Variants in FRMD4A observed in about 807,000 individuals in gnomAD.
The protein encoded by FRMD4A is FERM domain-containing protein 4A.
A neutral mutation model predicts 129.1 loss-of-function variants in FRMD4A; 29 were observed. The observed-to-expected ratio is 0.22, with a 90% CI of 0.17 to 0.31. FRMD4A has a LOEUF of 0.31. FRMD4A is among the 10% of genes least tolerant of loss of function. The pLI is 1.00. For synonymous variants in FRMD4A, 634 were observed against 571.6 expected (o/e 1.11, Z -1.56); for missense variants, 1,272 against 1,375.8 (o/e 0.92, Z 1.19).
chr10:13,698,203 ATGGC>A, intron 14 of FRMD4A, among the ~76,000 whole-genome samples: 1 of 152,290 alleles, frequency 6.6e-6, no homozygotes, highest in East Asian at 1.9e-4. Context: ...CTGAACCCTC[ATGGC>A]TCCCTACCCT....
chr10:13,698,523 G>T (rs910013402), intron 14 of FRMD4A, among the ~76,000 whole-genome samples: 2 of 152,104 alleles, frequency 1.3e-5, no homozygotes, highest in South Asian at 4.2e-4. Flanking sequence ...ATTCCCAAAG[G>T]GTACGTCATC....
chr10:13,959,017 T>A (rs1565114931), intron 2 of FRMD4A, among the ~76,000 whole-genome samples: 1 of 152,236 alleles, frequency 6.6e-6, no homozygotes, highest in Non-Finnish European at 1.5e-5. Flanking sequence ...CCCAGCACTC[T>A]GAGTATTTTA....
rs754842619 is a variant in FRMD4A at position 13,762,669 on chromosome 10, G to A, written c.396C>T (p.Asp132=). 5.0e-6 allele frequency: 8 copies of A among 1,605,730 alleles called. No homozygotes were observed. The East Asian group carries it at 6.7e-5, about 13-fold the overall frequency. The change falls in exon 7 of 25, where the codon GAC becomes GAT. Residue 132 remains aspartate (D), a synonymous_variant. Coordinates refer to ENST00000357447, the MANE Select transcript of FRMD4A (RefSeq NM_018027.5). ...ATTCAAACACCACTTCGCTGTCAAC[G>A]TCAATAAGCTCCTGAAAGGAAAAAG... ...AKSCIYKELI[D]VDSEVVFELA... is the part of the protein sequence containing the mutation.
At chr10:13,749,180 G>T (rs1244524895) in intron 8 of FRMD4A, among the ~76,000 whole-genome samples, 1 of 152,182 alleles carries the variant, frequency 6.6e-6, no homozygotes, top group African/African-American at 2.4e-5. Context: ...AGCCTTGGAA[G>T]CCTTAGCCGG....
intron 2 of FRMD4A, among the ~76,000 whole-genome samples, chr10:14,008,784 T>A (rs1214319958): frequency 6.6e-6 from 1 of 152,172 alleles, no homozygotes; most frequent in Non-Finnish European, 1.5e-5. Flanking sequence ...TCATAAATTC[T>A]ATCTATAAAA....
chr10:13,736,548 A>G (rs1487762071), intron 12 of FRMD4A, among the ~76,000 whole-genome samples: 2 of 152,238 alleles, frequency 1.3e-5, no homozygotes, highest in African/African-American at 2.4e-5. Context: ...TCAATGGAGT[A>G]AAAATCCTCC....
At chr10:14,234,841 C>T (rs1350025573) in intron 2 of FRMD4A, among the ~76,000 whole-genome samples, 1 of 152,262 alleles carries the variant, frequency 6.6e-6, no homozygotes, top group Non-Finnish European at 1.5e-5. Flanking sequence ...CCTCTACTAA[C>T]AGCCCCTGTG....
chr10:13,826,315 A>G (rs527702786), intron 3 of FRMD4A, among the ~76,000 whole-genome samples: 1 of 152,292 alleles, frequency 6.6e-6, no homozygotes, highest in South Asian at 2.1e-4. Context: ...AATCATCACT[A>G]CACGGTGAGG....
intron 3 of FRMD4A, among the ~76,000 whole-genome samples, chr10:13,849,419 C>T (rs1325023223): frequency 6.6e-6 from 1 of 152,050 alleles, no homozygotes; most frequent in Non-Finnish European, 1.5e-5. Context: ...TCCATATTCT[C>T]TGCTTGGCAA....
chr10:13,963,519 G>A (rs1347700070), intron 2 of FRMD4A, among the ~76,000 whole-genome samples: 2 of 152,098 alleles, frequency 1.3e-5, no homozygotes, highest in Non-Finnish European at 2.9e-5. Flanking sequence ...TGTATGAGCT[G>A]TTTGTGAAGA....
At chr10:14,031,124 C>T (rs1275725321) in intron 2 of FRMD4A, among the ~76,000 whole-genome samples, 1 of 152,190 alleles carries the variant, frequency 6.6e-6, no homozygotes, top group Non-Finnish European at 1.5e-5. Flanking sequence ...CCGAGGTCGC[C>T]ACCAGAAGTG....
intron 2 of FRMD4A, among the ~76,000 whole-genome samples, chr10:14,263,752 G>A (rs1005375947): frequency 6.6e-5 from 10 of 152,158 alleles, no homozygotes; most frequent in African/African-American, 1.2e-4. Context: ...CCCTGGAGTC[G>A]CCAGAAGATA....
At position 14,301,048 on chromosome 10, in the gene FRMD4A, T is replaced by C. The variant is rs140046909; in HGVS notation, c.45+29010A>G. ...GGTCAGTCAGGTGAGAAGTCTCACA[T>C]CCTGCTCAGTGTGACCAAGTCCCCT... On this transcript the variant is annotated intron_variant, in intron 2 of 24. Coordinates refer to ENST00000357447, the MANE Select transcript of FRMD4A (RefSeq NM_018027.5). Among the ~76,000 whole-genome samples, 136 of 152,308 alleles carry C rather than the reference T, an allele frequency of 8.9e-4. 1 individual carries two copies. Among genetic ancestry groups the C allele is most frequent in the African/African-American group, 3.0e-3 (126 of 41,572 alleles).
chr10:13,688,829 T>C (rs1475350833), intron 15 of FRMD4A, among the ~76,000 whole-genome samples: 2 of 152,156 alleles, frequency 1.3e-5, no homozygotes, highest in Non-Finnish European at 2.9e-5. Flanking sequence ...GTAACTCTCC[T>C]GCCTCAGCCT....
At chr10:13,977,677 C>T (rs1449572978) in intron 2 of FRMD4A, among the ~76,000 whole-genome samples, 8 of 152,178 alleles carry the variant, frequency 5.3e-5, no homozygotes, top group Non-Finnish European at 1.0e-4. Flanking sequence ...CTCTTCATTC[C>T]CCCTAGCTAC....
chr10:13,662,925 G>A (rs1333823015), intron 19 of FRMD4A, among the ~76,000 whole-genome samples: 1 of 145,758 alleles, frequency 6.9e-6, no homozygotes, highest in Non-Finnish European at 1.5e-5. Flanking sequence ...ACGTGGTTTT[G>A]GGCCAGGTAT....
intron 2 of FRMD4A, among the ~76,000 whole-genome samples, chr10:13,985,843 G>A (rs2095579168): frequency 6.6e-6 from 1 of 152,240 alleles, no homozygotes; most frequent in African/African-American, 2.4e-5. Context: ...AAGTCTGCCA[G>A]CCCTGGCGAT....
chr10:14,318,574 A>G (rs1475696153), intron 2 of FRMD4A, among the ~76,000 whole-genome samples: 2 of 150,582 alleles, frequency 1.3e-5, no homozygotes, highest in African/African-American at 4.9e-5. Context: ...GTTTGGATGA[A>G]AATCGGAAAA....
chr10:14,164,455 A>G (rs1841068545), intron 2 of FRMD4A, among the ~76,000 whole-genome samples: 1 of 152,220 alleles, frequency 6.6e-6, no homozygotes, highest in Non-Finnish European at 1.5e-5. Flanking sequence ...AAGGCTATTC[A>G]GGTATCAAGC....
Sources: allele counts gnomAD v4.1 joint callset (sites outside exome capture counted in the v4.1 genomes callset), GRCh38; gene constraint gnomAD v4.1.1; transcripts MANE v1.5; gene names NCBI Gene and HGNC (gene_info 2026-07-23, HGNC 2026-07-21).